Variants in DOCK1 observed in about 807,000 individuals in gnomAD.
DOCK1 encodes the protein dedicator of cytokinesis protein 1.
DOCK1 carries 138 observed loss-of-function variants against 262.7 expected under a neutral mutation model. That is an observed-to-expected ratio of 0.53 (90% CI 0.46 to 0.61). DOCK1 has a LOEUF of 0.61. Ranked by LOEUF, DOCK1 falls within the 20% of genes least tolerant of loss-of-function variation. DOCK1 has a pLI of 0.00. For synonymous variants in DOCK1, 866 were observed against 867.4 expected (o/e 1.00, Z 0.03); for missense variants, 1,908 against 2,370.7 (o/e 0.80, Z 4.05).
intron 29 of DOCK1, among the ~76,000 whole-genome samples, chr10:127,324,339 G>A (rs1358912542): frequency 2.6e-5 from 4 of 152,164 alleles, no homozygotes; most frequent in Admixed American, 2.0e-4. Context: ...TCAGGCATTC[G>A]TTAAAGAATT....
chr10:127,213,134 G>T (rs2058055532), intron 27 of DOCK1, among the ~76,000 whole-genome samples: 1 of 152,130 alleles, frequency 6.6e-6, no homozygotes, highest in Admixed American at 6.5e-5. Flanking sequence ...GCTTTTATAT[G>T]CATAGATATT....
intron 27 of DOCK1, among the ~76,000 whole-genome samples, chr10:127,243,210 T>C (rs1444927686): frequency 6.6e-6 from 1 of 152,156 alleles, no homozygotes; most frequent in Admixed American, 6.5e-5. Flanking sequence ...TTAAAACCCT[T>C]TGGATTTTTT....
At chr10:126,968,216 G>T (rs898422469) in intron 1 of DOCK1, among the ~76,000 whole-genome samples, 2 of 152,066 alleles carry the variant, frequency 1.3e-5, no homozygotes, top group African/African-American at 4.8e-5. Flanking sequence ...TACTCTATCT[G>T]CATCCTTCCG....
chr10:127,301,868 C>T (rs929828877), intron 29 of DOCK1, among the ~76,000 whole-genome samples: 1 of 151,570 alleles, frequency 6.6e-6, no homozygotes, highest in Admixed American at 6.6e-5. Context: ...ATCACTTGAA[C>T]CCAGGAGGTG....
chr10:127,250,528 C>T (rs531300436), intron 28 of DOCK1, among the ~76,000 whole-genome samples: 4 of 152,194 alleles, frequency 2.6e-5, no homozygotes, highest in African/African-American at 4.8e-5. Flanking sequence ...TGGTGGCTCA[C>T]GCCTGTAATC....
chr10:127,250,723 C>T (rs1002236857), intron 28 of DOCK1, among the ~76,000 whole-genome samples: 1 of 125,022 alleles, frequency 8.0e-6, no homozygotes, highest in Admixed American at 1.1e-4. Flanking sequence ...ACCCGGGAGG[C>T]AGAGGTTGCA....
In DOCK1 at chr10:127,384,828, G is replaced by A. The variant is rs1404149698; in HGVS notation, c.3846G>A (p.Arg1282=). ...TGTGTGTGGCCCACCTCACCCAGCG[G>A]GACGGGTACCAGGCCACCACGCAGG... ...EDVCVAHLTQ[R]DGYQATTQGQ... Residue 1282 remains arginine, a synonymous_variant, in exon 38 of 52, where the codon CGG becomes CGA. Transcript: ENST00000623213. 3 of 1,608,292 alleles carry A rather than the reference G, an allele frequency of 1.9e-6. No individual in the cohort carries two copies. The African/African-American group carries it at 4.0e-5, about 22-fold the overall frequency.
In DOCK1 at chr10:126,905,487, C is replaced by G; in HGVS notation, c.-31C>G. 1.9e-6 allele frequency: 1 copy of G among 529,598 alleles called. No individual in the cohort carries two copies. Among genetic ancestry groups the G allele is most frequent in the Non-Finnish European group, 3.5e-6 (1 of 286,670 alleles). 32.8% of individuals were successfully genotyped at this position (529,598 alleles called of 1,614,324 possible). A position where few individuals can be genotyped will look rare whatever the true frequency, so the allele number is the denominator to read the frequency against. ...AATGGCGGCCTAGACGCGGAGTTTC[C>G]TGCCCGACCCGCGGCGGCTCCGGCG... On this transcript the variant is annotated 5_prime_UTR_variant, in exon 1 of 52. Transcript: ENST00000623213.
chr10:126,997,323 G>C (rs1357305985), intron 7 of DOCK1, among the ~76,000 whole-genome samples: 1 of 152,136 alleles, frequency 6.6e-6, no homozygotes, highest in Admixed American at 6.5e-5. Flanking sequence ...AAGTGCCTGA[G>C]ACTGGGTAAT....
chr10:126,994,691 AC>A (rs1172254908), intron 6 of DOCK1, among the ~76,000 whole-genome samples: 1 of 152,254 alleles, frequency 6.6e-6, no homozygotes, highest in African/African-American at 2.4e-5. Context: ...TTAATACAGA[AC>A]AAAATGGAGT....
intron 46 of DOCK1, among the ~76,000 whole-genome samples, chr10:127,423,602 A>T (rs921176232): frequency 7.9e-5 from 12 of 152,280 alleles, no homozygotes; most frequent in South Asian, 4.1e-4. Context: ...AGACAAATCC[A>T]TACAGTCTCA....
At chr10:127,419,883 G>A in intron 46 of DOCK1, 134 bp downstream of exon 46, 2 of 933,900 alleles carry the variant, frequency 2.1e-6, no homozygotes, top group Non-Finnish European at 3.2e-6. Flanking sequence ...ATTGTCCCTG[G>A]GTGAACCCAC....
chr10:127,336,571 A>C (rs548835547), intron 29 of DOCK1, among the ~76,000 whole-genome samples: 1 of 146,446 alleles, frequency 6.8e-6, no homozygotes. Context: ...GACAAGTCTC[A>C]CTCTGTCACC....
intron 25 of DOCK1, among the ~76,000 whole-genome samples, chr10:127,121,038 G>T (rs936997306): frequency 2.6e-5 from 4 of 152,062 alleles, no homozygotes; most frequent in Non-Finnish European, 4.4e-5. Context: ...ACTCTTAAAC[G>T]CTCTAGATAC....
At chr10:127,344,793 C>T (rs1044030557) in intron 31 of DOCK1, among the ~76,000 whole-genome samples, 1 of 152,084 alleles carries the variant, frequency 6.6e-6, no homozygotes, top group Non-Finnish European at 1.5e-5. Context: ...CCCAGGAGGT[C>T]AAGGCTGCAG....
intron 1 of DOCK1, among the ~76,000 whole-genome samples, chr10:126,947,826 G>T: frequency 1.3e-5 from 1 of 79,244 alleles, no homozygotes. Flanking sequence ...GTGGTGGTTG[G>T]TAGTATTACT....
chr10:127,404,075 A>G (rs940332322), intron 39 of DOCK1, among the ~76,000 whole-genome samples: 10 of 152,114 alleles, frequency 6.6e-5, no homozygotes, highest in Non-Finnish European at 1.3e-4. Context: ...TTTTTGCTGA[A>G]TTTGGGCTAG....
intron 32 of DOCK1, among the ~76,000 whole-genome samples, chr10:127,356,635 G>A (rs949842261): frequency 6.6e-6 from 1 of 152,084 alleles, no homozygotes; most frequent in Non-Finnish European, 1.5e-5. Flanking sequence ...AGGAGACGGG[G>A]GAGGGCTTTC....
At position 127,374,058 on chromosome 10, in the gene DOCK1, C is replaced by A; in HGVS notation, c.3519C>A (p.Ile1173=). ...CAAGGTGTGTATAATTATTTTTCAGCCTTCTGGAACACTGCAGGAAGCACA... is the reference window on the plus strand; with the variant it reads ...CAAGGTGTGTATAATTATTTTTCAGACTTCTGGAACACTGCAGGAAGCACA... The part of the protein sequence containing the change: ...DEQYKVLFDK[I]LLEHCRKHKY... The change falls in exon 35 of 52, where the codon ATC becomes ATA. Residue 1173 remains isoleucine (I), a splice_region_variant and synonymous_variant. Transcript: ENST00000623213. 1.2e-6 allele frequency: 2 copies of A among 1,603,068 alleles called. No individual in the cohort carries two copies. Among genetic ancestry groups the A allele is most frequent in the Non-Finnish European group, 1.7e-6 (2 of 1,175,938 alleles).
Sources: gnomAD v4.1 joint callset for allele counts (sites outside exome capture counted in the v4.1 genomes callset) on GRCh38, gnomAD v4.1.1 for gene constraint, MANE v1.5 for transcripts, NCBI Gene and HGNC (gene_info 2026-07-23, HGNC 2026-07-21) for gene names.